The following GPR39 variants were observed in gnomAD, a reference collection of about 807,000 sequenced individuals.
GPR39 encodes G protein-coupled receptor 39, also known as zinc sensing receptor.
Under a neutral mutation model 18.4 loss-of-function variants are expected in GPR39, and 23 were observed. The observed-to-expected ratio is 1.25, with a 90% CI of 0.90 to 1.77. The LOEUF (loss-of-function observed/expected upper bound fraction) is 1.77. GPR39 is among the 40% of genes most tolerant of loss of function. The pLI, the probability that GPR39 is intolerant of heterozygous loss-of-function variation, is 0.00. For missense variants in GPR39, 647 were observed against 602.4 expected (o/e 1.07, Z -0.78); for synonymous variants, 280 against 257.9 (o/e 1.09, Z -0.82).
chr2:132,628,319 A>G lies in GPR39; in HGVS notation c.857-16782A>G, dbSNP rs185544287. ...GCTTGGAGGAGTTATTTGGTTTCCT[A>G]TGTCTTTCTCCATCCTCTCCCAGAC... On this transcript the variant is annotated intron_variant, in intron 1 of 1. Transcript: ENST00000329321. Among the ~76,000 whole-genome samples the G allele has an allele frequency of 4.6e-5, 7 of 152,084 alleles. No homozygotes were observed. In the East Asian group the frequency reaches 7.8e-4, roughly 17 times the overall value.
At chr2:132,442,311 A>C (rs987831928) in intron 1 of GPR39, among the ~76,000 whole-genome samples, 7 of 152,102 alleles carry the variant, frequency 4.6e-5, no homozygotes, top group Non-Finnish European at 7.4e-5. Context: ...CATGTAGACA[A>C]CTGTAGATGC....
intron 1 of GPR39, among the ~76,000 whole-genome samples, chr2:132,500,524 A>G (rs1329186491): frequency 6.6e-6 from 1 of 152,048 alleles, no homozygotes; most frequent in African/African-American, 2.4e-5. Context: ...CATCAGGGAT[A>G]TTGGTCTGTA....
intron 1 of GPR39, among the ~76,000 whole-genome samples, chr2:132,549,193 A>G (rs1679998033): frequency 6.6e-6 from 1 of 152,192 alleles, no homozygotes; most frequent in Non-Finnish European, 1.5e-5. Flanking sequence ...ATGAGCACAT[A>G]GAGGTCTGTG....
At chr2:132,501,826 A>G (rs2104751013) in intron 1 of GPR39, among the ~76,000 whole-genome samples, 1 of 152,230 alleles carries the variant, frequency 6.6e-6, no homozygotes, top group East Asian at 1.9e-4. Context: ...ACCACTATAT[A>G]ATGTCCCTCT....
chr2:132,608,310 G>A (rs866335975), intron 1 of GPR39, among the ~76,000 whole-genome samples: 1 of 152,178 alleles, frequency 6.6e-6, no homozygotes, highest in African/African-American at 2.4e-5. Flanking sequence ...GTACATTGTT[G>A]AACAAATTCA....
chr2:132,548,053 C>A (rs1415458591), intron 1 of GPR39, among the ~76,000 whole-genome samples: 1 of 152,156 alleles, frequency 6.6e-6, no homozygotes, highest in Non-Finnish European at 1.5e-5. Context: ...CCGCTTACGC[C>A]CCTTCCCAAG....
rs182951737 is a variant in GPR39 at position 132,558,284 on chromosome 2, T to G, written c.857-86817T>G. ...GCAATACCTGCTCTGTTGTCTCTTG[T>G]GAGGAGGAAATGAGAATGTGTGAAA... On this transcript the variant is annotated intron_variant, in intron 1 of 1. Coordinates refer to ENST00000329321, the MANE Select transcript of GPR39 (RefSeq NM_001508.3). Among the ~76,000 whole-genome samples the G allele has an allele frequency of 1.9e-3, 291 of 152,184 alleles. 1 individual carries two copies. The highest frequency in any genetic ancestry group is 6.2e-3 in the African/African-American group (258 of 41,506).
Position 132,645,855 on chromosome 2 carries a change from A to G in GPR39, c.*249A>G. On this transcript the variant is annotated 3_prime_UTR_variant, in exon 2 of 2. Coordinates refer to ENST00000329321, the MANE Select transcript of GPR39 (RefSeq NM_001508.3). ...TCCTTCAAGTACATACTGAAAATTC[A>G]GTCAGGCTGAATTTATTCAGAATGC... The G allele has an allele frequency of 3.0e-6, 2 of 665,660 alleles. No homozygotes were observed. Among genetic ancestry groups the G allele is most frequent in the Non-Finnish European group, 5.0e-6 (2 of 402,970 alleles). 41.2% of individuals were successfully genotyped at this position (665,660 alleles called of 1,614,324 possible).
chr2:132,479,291 T>C (rs1202655452), intron 1 of GPR39, among the ~76,000 whole-genome samples: 1 of 152,112 alleles, frequency 6.6e-6, no homozygotes, highest in Non-Finnish European at 1.5e-5. Context: ...AAGAGGAAAA[T>C]GTGACGCATA....
chr2:132,545,856 C>T (rs1006576525), intron 1 of GPR39, among the ~76,000 whole-genome samples: 14 of 152,098 alleles, frequency 9.2e-5, no homozygotes, highest in East Asian at 1.9e-4. Flanking sequence ...ACTAAGTTTG[C>T]GTAACAAGAG....
intron 1 of GPR39, among the ~76,000 whole-genome samples, chr2:132,613,914 G>T (rs745638405): frequency 1.3e-5 from 2 of 152,188 alleles, no homozygotes; most frequent in Non-Finnish European, 2.9e-5. Flanking sequence ...GTTAACAAAA[G>T]TATGACAGAG....
At chr2:132,461,595 GA>G (rs1480128729) in intron 1 of GPR39, among the ~76,000 whole-genome samples, 20 of 152,088 alleles carry the variant, frequency 1.3e-4, no homozygotes, top group Non-Finnish European at 2.2e-4. Flanking sequence ...TTAGCATTTG[GA>G]AAAATCTGTT....
rs986428162 is a variant in GPR39, at chr2:132,645,970, C to T, written c.*364C>T. On this transcript the variant is annotated 3_prime_UTR_variant, in exon 2 of 2. Coordinates refer to ENST00000329321, the MANE Select transcript of GPR39 (RefSeq NM_001508.3). Reference sequence around the variant, plus strand: ...AGAATAAAAGGACACCCAGAAGAAACTCACTCAGGGAGGTGGGGGGTTGGG... The same window carrying T: ...AGAATAAAAGGACACCCAGAAGAAATTCACTCAGGGAGGTGGGGGGTTGGG... 57 of 1,139,780 alleles carry T rather than the reference C, an allele frequency of 5.0e-5. No homozygotes were observed. Among genetic ancestry groups the T allele is most frequent in the Middle Eastern group, 6.1e-4 (2 of 3,288 alleles). 70.6% of individuals were successfully genotyped at this position (1,139,780 alleles called of 1,614,324 possible).
At chr2:132,574,619 C>T (rs992162207) in intron 1 of GPR39, among the ~76,000 whole-genome samples, 21 of 152,266 alleles carry the variant, frequency 1.4e-4, no homozygotes, top group African/African-American at 4.6e-4. Flanking sequence ...CCTGTAATCC[C>T]AGCTACTCAG....
chr2:132,421,868 T>A (rs1680016810), intron 1 of GPR39, among the ~76,000 whole-genome samples: 1 of 151,986 alleles, frequency 6.6e-6, no homozygotes, highest in African/African-American at 2.4e-5. Flanking sequence ...AATGAGATAT[T>A]GACAGTGGGT....
chr2:132,569,520 AG>A (rs930295609), intron 1 of GPR39, among the ~76,000 whole-genome samples: 8 of 140,414 alleles, frequency 5.7e-5, no homozygotes, highest in South Asian at 2.3e-4. Flanking sequence ...TGTGGTGGGG[AG>A]GGGGGCTGTG....
intron 1 of GPR39, chr2:132,605,059 A>G (rs1255809654): frequency 6.6e-6 from 1 of 152,246 alleles, no homozygotes; most frequent in East Asian, 1.9e-4. Context: ...ACTGTTGGAG[A>G]AATTGAGGTA....
intron 1 of GPR39, among the ~76,000 whole-genome samples, chr2:132,591,262 AAAAAAAAAAAAAAAAC>A (rs1479566048): frequency 3.1e-5 from 4 of 127,456 alleles, no homozygotes; most frequent in Admixed American, 1.6e-4. Context: ...CGTCTCAAAA[AAAAAAAAAAAAAAAAC>A]AAAAAAAAAC....
At chr2:132,492,392 C>A (rs1466782712) in intron 1 of GPR39, among the ~76,000 whole-genome samples, 1 of 131,450 alleles carries the variant, frequency 7.6e-6, no homozygotes, top group Non-Finnish European at 1.6e-5. Flanking sequence ...CATATATATA[C>A]ACCATATATA....
Sources: gnomAD v4.1 joint callset for allele counts (sites outside exome capture counted in the v4.1 genomes callset) on GRCh38, gnomAD v4.1.1 for gene constraint, MANE v1.5 for transcripts, NCBI Gene and HGNC (gene_info 2026-07-23, HGNC 2026-07-21) for gene names.